Variants in AFG1L observed in about 807,000 individuals in gnomAD.
AFG1L encodes AFG1 like ATPase.
In AFG1L, 53 loss-of-function variants were observed where a neutral mutation model predicts 62.2. The observed-to-expected ratio is 0.85, with a 90% CI of 0.68 to 1.07. The LOEUF (loss-of-function observed/expected upper bound fraction) is 1.07, where lower values mean the gene tolerates loss of function less well. AFG1L is among the 50% of genes least tolerant of loss of function. The pLI is 0.00. For synonymous variants in AFG1L, 228 were observed against 210.3 expected (o/e 1.08, Z -0.73); for missense variants, 555 against 590.5 (o/e 0.94, Z 0.62).
chr6:108,414,305 A>G (rs907835391), intron 7 of AFG1L, among the ~76,000 whole-genome samples: 1 of 152,236 alleles, frequency 6.6e-6, no homozygotes, highest in Admixed American at 6.5e-5. Flanking sequence ...AAAAAAGTCC[A>G]GGACCAGATG....
chr6:108,361,652 A>G (rs549498467), intron 5 of AFG1L, among the ~76,000 whole-genome samples: 8 of 152,250 alleles, frequency 5.3e-5, no homozygotes, highest in African/African-American at 1.9e-4. Context: ...GGCTTGAGCC[A>G]TTGGGTTCTA....
At chr6:108,361,409 C>G (rs889419131) in intron 5 of AFG1L, among the ~76,000 whole-genome samples, 1 of 152,150 alleles carries the variant, frequency 6.6e-6, no homozygotes, top group African/African-American at 2.4e-5. Context: ...GCCAGTCTTT[C>G]GTCTCTGGTC....
At chr6:108,459,499 A>AC (rs1772374809) in intron 8 of AFG1L, among the ~76,000 whole-genome samples, 1 of 152,120 alleles carries the variant, frequency 6.6e-6, no homozygotes, top group Non-Finnish European at 1.5e-5. Context: ...CAGATAGGTA[A>AC]CTCTGGGCCC....
intron 8 of AFG1L, among the ~76,000 whole-genome samples, chr6:108,449,486 G>A (rs1771964495): frequency 6.6e-6 from 1 of 152,122 alleles, no homozygotes; most frequent in Non-Finnish European, 1.5e-5. Flanking sequence ...CTAGAGATGT[G>A]TATTATATTG....
intron 10 of AFG1L, among the ~76,000 whole-genome samples, chr6:108,508,757 TG>T (rs1177790882): frequency 2.6e-5 from 4 of 152,212 alleles, no homozygotes; most frequent in Non-Finnish European, 2.9e-5. Flanking sequence ...CTTAAGTGAA[TG>T]GACAAAGGTG....
chr6:108,334,866 C>G (rs560856998), intron 2 of AFG1L, among the ~76,000 whole-genome samples: 1 of 152,158 alleles, frequency 6.6e-6, no homozygotes, highest in Non-Finnish European at 1.5e-5. Flanking sequence ...GATCCTTGGA[C>G]GAGGCTGAGA....
chr6:108,419,760 A>G (rs75710788), intron 7 of AFG1L, among the ~76,000 whole-genome samples: 1,990 of 152,246 alleles, frequency 0.013, 19 homozygotes, highest in Non-Finnish European at 0.02. Flanking sequence ...TAAGTGATAT[A>G]TTAGTTTTTA....
chr6:108,416,667 CAT>C, intron 7 of AFG1L, among the ~76,000 whole-genome samples: 1 of 152,096 alleles, frequency 6.6e-6, no homozygotes, highest in Non-Finnish European at 1.5e-5. Flanking sequence ...AGCAAATTAT[CAT>C]AAGGACAGAA....
At chr6:108,362,655 T>C (rs1779592730) in intron 5 of AFG1L, among the ~76,000 whole-genome samples, 1 of 152,200 alleles carries the variant, frequency 6.6e-6, no homozygotes, top group Non-Finnish European at 1.5e-5. Context: ...GATGAGGAAA[T>C]TGAGGGTCAG....
intron 8 of AFG1L, among the ~76,000 whole-genome samples, chr6:108,475,232 T>G (rs1377263070): frequency 2.0e-5 from 3 of 152,240 alleles, no homozygotes; most frequent in Non-Finnish European, 4.4e-5. Flanking sequence ...ATCTCTGTTC[T>G]GTTCCATTGG....
intron 7 of AFG1L, among the ~76,000 whole-genome samples, chr6:108,426,491 G>T (rs188648035): frequency 1.4e-4 from 22 of 152,254 alleles, no homozygotes; most frequent in African/African-American, 4.8e-4. Context: ...GCAGCCTGTG[G>T]TGTGCCACTC....
At chr6:108,349,639 G>A (rs577398141) in intron 3 of AFG1L, among the ~76,000 whole-genome samples, 1 of 152,212 alleles carries the variant, frequency 6.6e-6, no homozygotes, top group East Asian at 1.9e-4. Flanking sequence ...AACAAGGCTG[G>A]GCATGGTGGC....
intron 6 of AFG1L, among the ~76,000 whole-genome samples, chr6:108,376,904 G>T (rs986956141): frequency 5.3e-5 from 8 of 152,074 alleles, no homozygotes; most frequent in African/African-American, 1.9e-4. Flanking sequence ...CTTGTTTTAT[G>T]AATCTGGATG....
intron 2 of AFG1L, among the ~76,000 whole-genome samples, chr6:108,335,983 A>T (rs1249817732): frequency 6.6e-6 from 1 of 152,244 alleles, no homozygotes; most frequent in Non-Finnish European, 1.5e-5. Context: ...TTATGCTAGT[A>T]AACTGAGCAA....
At chr6:108,348,593 C>G (rs1455457505) in intron 3 of AFG1L, among the ~76,000 whole-genome samples, 1 of 152,198 alleles carries the variant, frequency 6.6e-6, no homozygotes, top group Non-Finnish European at 1.5e-5. Context: ...AAAAGAAGGT[C>G]AAACTATTCT....
intron 6 of AFG1L, among the ~76,000 whole-genome samples, chr6:108,379,724 G>A (rs11968951): frequency 0.056 from 8,574 of 152,288 alleles, 600 homozygotes; most frequent in African/African-American, 0.16. Context: ...TGAGGATGAG[G>A]AGATGCCCTA....
intron 2 of AFG1L, among the ~76,000 whole-genome samples, chr6:108,337,629 A>G (rs1282771696): frequency 6.6e-6 from 1 of 152,220 alleles, no homozygotes; most frequent in Non-Finnish European, 1.5e-5. Flanking sequence ...GTGTTCAGAA[A>G]TGTTTGTTAG....
chr6:108,341,105 G>T (rs1778664337), intron 2 of AFG1L, among the ~76,000 whole-genome samples: 1 of 152,004 alleles, frequency 6.6e-6, no homozygotes, highest in Admixed American at 6.5e-5. Flanking sequence ...CAGCAATCTG[G>T]GTGAAGTTCA....
chr6:108,316,638 C>A (rs930671754), intron 1 of AFG1L, among the ~76,000 whole-genome samples: 11 of 150,500 alleles, frequency 7.3e-5, no homozygotes, highest in South Asian at 2.1e-4. Flanking sequence ...GGTTCACGCC[C>A]TTCTCCTGCC....
Sources: gnomAD v4.1 joint callset for allele counts (sites outside exome capture counted in the v4.1 genomes callset) on GRCh38, gnomAD v4.1.1 for gene constraint, MANE v1.5 for transcripts, NCBI Gene and HGNC (gene_info 2026-07-23, HGNC 2026-07-21) for gene names.